CORO7: variants seen among roughly 807,000 people sequenced by gnomAD.
CORO7 encodes coronin-7.
A neutral mutation model predicts 126.6 loss-of-function variants in CORO7; 107 were observed. The ratio of observed to expected loss-of-function variants is 0.85; its 90% CI spans 0.72 to 0.99. The LOEUF (loss-of-function observed/expected upper bound fraction) is 0.99. CORO7 is among the 50% of genes least tolerant of loss of function. CORO7 has a pLI of 0.00. For synonymous variants in CORO7, 603 were observed against 536.8 expected, an observed-to-expected ratio of 1.12 and a Z score of -1.70; for missense variants, 1,314 against 1,255.8, an observed-to-expected ratio of 1.05 and a Z score of -0.70.
chr16:4,386,701 C>T (rs565327313), intron 9 of CORO7, among the ~76,000 whole-genome samples: 3 of 152,306 alleles, frequency 2.0e-5, no homozygotes, highest in Admixed American at 6.5e-5. Context: ...GGGAAGGTGC[C>T]GAATCTTGCT....
chr16:4,360,254 G>A (rs2054118674), intron 21 of CORO7, 24 bp downstream of exon 21: 1 of 1,613,086 alleles, frequency 6.2e-7, no homozygotes, highest in African/African-American at 1.3e-5. Context: ...TGAAGCCTGG[G>A]GATGGGGATG....
chr16:4,402,244 G>GTTA (rs1258754154), intron 6 of CORO7, among the ~76,000 whole-genome samples: 48 of 127,824 alleles, frequency 3.8e-4, no homozygotes, highest in African/African-American at 9.4e-4. Flanking sequence ...GGCCAGTTTT[G>GTTA]TTGTTGTTGT....
rs1179912224 is a variant in CORO7 at position 4,362,746 on chromosome 16, G to C, written c.1276-8C>G. The C allele has an allele frequency of 1.4e-6, 2 of 1,389,984 alleles. No homozygotes were observed. The highest frequency in any genetic ancestry group is 3.0e-5 in the African/African-American group (2 of 66,662). The allele number at this position is 1,389,984 out of a possible 1,614,324, so 86.1% of individuals were successfully genotyped here. Reference sequence around the variant, plus strand: ...AGGGGAAGAGAAACCCTCCTGGGGAGGGGCATGGGGTCAGCCAGCCTGCTC... The same window carrying C: ...AGGGGAAGAGAAACCCTCCTGGGGACGGGCATGGGGTCAGCCAGCCTGCTC... On this transcript the variant is annotated splice_region_variant and splice_polypyrimidine_tract_variant and intron_variant, in intron 14 of 27. Transcript: ENST00000251166. The surrounding 1 kb of genome is among the most constrained non-coding windows in gnomAD (Gnocchi z 5.3).
At chr16:4,359,665 A>C (rs752542426) in intron 21 of CORO7, 44 bp from the exon 22 acceptor site, 1 of 1,556,572 alleles carries the variant, frequency 6.4e-7, no homozygotes, top group South Asian at 1.2e-5. Flanking sequence ...TCAGAGCTGA[A>C]GGGGCCTGGG....
chr16:4,410,728 G>A (rs1393018416), intron 3 of CORO7, among the ~76,000 whole-genome samples: 2 of 152,188 alleles, frequency 1.3e-5, no homozygotes, highest in Non-Finnish European at 2.9e-5. Flanking sequence ...ATAGAGGAGA[G>A]GCCAGTAAAC....
At chr16:4,378,673 C>G (rs2054840704) in intron 9 of CORO7, among the ~76,000 whole-genome samples, 2 of 152,046 alleles carry the variant, frequency 1.3e-5, no homozygotes, top group African/African-American at 4.8e-5. Flanking sequence ...GTTTGGGGTG[C>G]TAACTTCTTC....
Position 4,388,558 on chromosome 16 carries a change from G to C in CORO7, c.689C>G (p.Thr230Ser), listed in dbSNP as rs758136071. Residue 230 changes from threonine to serine, a missense_variant, in exon 8 of 28, where the codon ACT becomes AGT. Physicochemically the swap from Thr to Ser is moderately conservative, Grantham distance 58. Transcript: ENST00000251166. ...WMGTWEHLVS[T>S]GFNQMREREV... ...GGAACCCCCTACCTGGTTGAATCCA[G>C]TAGACACAAGGTGCTCCCAGGTGCC... is the stretch of plus-strand genomic sequence containing the variant. 20 of 1,612,616 alleles carry C rather than the reference G, an allele frequency of 1.2e-5. No homozygotes were observed. In the African/African-American group the frequency reaches 2.4e-4, roughly 19 times the overall value.
chr16:4,376,756 G>A (rs1345363496), intron 9 of CORO7, among the ~76,000 whole-genome samples: 1 of 152,174 alleles, frequency 6.6e-6, no homozygotes, highest in African/African-American at 2.4e-5. Context: ...CTGTGCTGAA[G>A]GGGCCGCCAA....
chr16:4,373,434 TG>T (rs1262842979), intron 9 of CORO7, among the ~76,000 whole-genome samples: 1 of 152,004 alleles, frequency 6.6e-6, no homozygotes, highest in African/African-American at 2.4e-5. Flanking sequence ...GGGATGGGGC[TG>T]GGGGCTGGGG....
At chr16:4,405,623 G>A in intron 5 of CORO7, 56 bp from the exon 6 acceptor site, 1 of 1,586,302 alleles carries the variant, frequency 6.3e-7, no homozygotes, top group Non-Finnish European at 8.6e-7. Context: ...AGGGAAGTGG[G>A]TGGGGGCGGG....
intron 9 of CORO7, chr16:4,381,639 G>A (rs1373908683): frequency 3.1e-6 from 5 of 1,599,730 alleles, no homozygotes; most frequent in Non-Finnish European, 4.3e-6. Flanking sequence ...GCATTGCCCA[G>A]CTGCGGCCCG....
In CORO7 at chr16:4,364,857, G is replaced by C; in HGVS notation, c.962C>G (p.Ala321Gly). The stretch of plus-strand genomic sequence containing the variant: ...GCGGAGTACCTCGCAGCTCATGACG[G>C]CCAGCGCCTGCCGGGGCACAAGGGC... Reference protein sequence around the residue: ...GAALVPRQALAVMSCEVLRVL... With the variant: ...GAALVPRQALGVMSCEVLRVL... Residue 321 changes from alanine to glycine, a missense_variant, in exon 12 of 28, where the codon GCC becomes GGC. Transcript: ENST00000251166. 6.2e-7 allele frequency: 1 copy of C among 1,611,874 alleles called. No individual in the cohort carries two copies. The highest frequency in any genetic ancestry group is 8.5e-7 in the Non-Finnish European group (1 of 1,179,758).
At chr16:4,379,237 C>A (rs1253350256) in intron 9 of CORO7, among the ~76,000 whole-genome samples, 1 of 152,092 alleles carries the variant, frequency 6.6e-6, no homozygotes, top group Non-Finnish European at 1.5e-5. Flanking sequence ...CTTGTGTGAG[C>A]TGCAGGCGCC....
intron 9 of CORO7, chr16:4,381,706 C>T: frequency 6.2e-7 from 1 of 1,607,634 alleles, no homozygotes; most frequent in Non-Finnish European, 8.5e-7. Flanking sequence ...CCTAAGCCTG[C>T]AGGCCCTGCC....
At chr16:4,387,256 C>T (rs1170092901) in intron 9 of CORO7, among the ~76,000 whole-genome samples, 4 of 152,152 alleles carry the variant, frequency 2.6e-5, no homozygotes, top group Non-Finnish European at 5.9e-5. Flanking sequence ...TTGCCCTGGG[C>T]CTCCTGGTGT....
intron 25 of CORO7, chr16:4,357,663 G>A (rs2054022030): frequency 2.4e-6 from 1 of 419,736 alleles, no homozygotes; most frequent in Admixed American, 4.2e-5. Context: ...GCCGACCTAG[G>A]GGATTTCTAT....
In CORO7 at chr16:4,355,024, T is replaced by G; in HGVS notation, c.*134A>C. The G allele has an allele frequency of 1.0e-6, 1 of 980,818 alleles. No individual in the cohort carries two copies. The highest frequency in any genetic ancestry group is 1.4e-6 in the Non-Finnish European group (1 of 699,870). 60.8% of individuals were successfully genotyped at this position (980,818 alleles called of 1,614,324 possible). A position where few individuals can be genotyped will look rare whatever the true frequency, so the allele number is the denominator to read the frequency against. On this transcript the variant is annotated 3_prime_UTR_variant, in exon 28 of 28. Coordinates refer to ENST00000251166, the MANE Select transcript of CORO7 (RefSeq NM_024535.5). Reference sequence around the variant, plus strand: ...GCCAGAGGCCCAGAGGATGTGGAAGTGCCCACGGGAAGGCAGGAGTGCAGG... The same window carrying G: ...GCCAGAGGCCCAGAGGATGTGGAAGGGCCCACGGGAAGGCAGGAGTGCAGG...
chr16:4,382,347 G>A (rs1434539390), intron 9 of CORO7: 2 of 1,611,854 alleles, frequency 1.2e-6, no homozygotes, highest in Non-Finnish European at 1.7e-6. Flanking sequence ...GCTCCGTGCA[G>A]CTCAGGAGCC....
At chr16:4,392,243 C>A (rs889882124) in intron 7 of CORO7, among the ~76,000 whole-genome samples, 2 of 152,094 alleles carry the variant, frequency 1.3e-5, no homozygotes, top group Non-Finnish European at 2.9e-5. Context: ...CCAGCTGGGC[C>A]GGTTGTAAAG....
Sources: gnomAD v4.1 joint callset for allele counts (sites outside exome capture counted in the v4.1 genomes callset) on GRCh38, gnomAD v4.1.1 for gene constraint, Gnocchi (gnomAD v3.1) non-coding constraint, MANE v1.5 for transcripts, NCBI Gene and HGNC (gene_info 2026-07-23, HGNC 2026-07-21) for gene names.